Variants in NBDY observed in about 807,000 individuals in gnomAD.
The protein encoded by NBDY is P-body dissociating protein.
chrX:56,799,713 C>T (rs971530931), intron 2 of NBDY, among the ~76,000 whole-genome samples: 4 of 113,057 alleles, frequency 3.5e-5, no homozygotes, highest in South Asian at 3.6e-4. Flanking sequence ...CTCCACTTTG[C>T]CTTTCTCTCC....
At chrX:56,781,710 C>T (rs1158131816) in intron 2 of NBDY, among the ~76,000 whole-genome samples, 5 of 111,754 alleles carry the variant, frequency 4.5e-5, no homozygotes, top group Non-Finnish European at 7.5e-5. Context: ...CAGTTATGCA[C>T]GGGGACATGG....
intron 2 of NBDY, among the ~76,000 whole-genome samples, chrX:56,799,968 T>G: frequency 1.8e-5 from 2 of 108,992 alleles, no homozygotes; most frequent in Middle Eastern, 9.4e-3. Flanking sequence ...GCTGTGGATT[T>G]GTAGCACCGG....
intron 2 of NBDY, among the ~76,000 whole-genome samples, chrX:56,740,667 T>A (rs1159370782): frequency 9.0e-6 from 1 of 111,598 alleles, no homozygotes; most frequent in Non-Finnish European, 1.9e-5. Context: ...TATTTTACAA[T>A]TTTAGGAACT....
chrX:56,812,039 G>A (rs932463163), intron 2 of NBDY, among the ~76,000 whole-genome samples: 7 of 111,083 alleles, frequency 6.3e-5, no homozygotes, highest in Admixed American at 2.8e-4. Context: ...TTGGTGAGGT[G>A]ACACCCCTAC....
In NBDY at chrX:56,818,086, G is replaced by GA. The variant is rs1297599297; in HGVS notation, c.*940dup. ...ATGTTTCAGGAATTACAAGGTTATA[G>GA]AAAAAAATTTATAGACTATAATAAT... On this transcript the variant is annotated 3_prime_UTR_variant, in exon 3 of 3. Coordinates refer to ENST00000374922, the MANE Select transcript of NBDY (RefSeq NM_001348129.2). 1 of 110,873 alleles carries GA rather than the reference G, an allele frequency of 9.0e-6. No homozygotes were observed. The highest frequency in any genetic ancestry group is 3.3e-5 in the African/African-American group (1 of 30,635). 9.1% of individuals were successfully genotyped at this position (110,873 alleles called of 1,213,427 possible).
At chrX:56,803,796 G>A (rs1237321728) in intron 2 of NBDY, among the ~76,000 whole-genome samples, 1 of 111,669 alleles carries the variant, frequency 9.0e-6, no homozygotes, top group Non-Finnish European at 1.9e-5. Flanking sequence ...TTCTCCTTTT[G>A]CTTCCAACAA....
chrX:56,811,550 C>T (rs1049205280), intron 2 of NBDY, among the ~76,000 whole-genome samples: 3 of 112,040 alleles, frequency 2.7e-5, no homozygotes, highest in African/African-American at 9.7e-5. Flanking sequence ...GCTTTGTTTA[C>T]ACTGTAAGGG....
chrX:56,810,859 GT>G (rs1025923859), intron 2 of NBDY, among the ~76,000 whole-genome samples: 2 of 111,601 alleles, frequency 1.8e-5, no homozygotes, highest in Non-Finnish European at 3.8e-5. Flanking sequence ...CAACCTTTTT[GT>G]GCTGGTTTCT....
At chrX:56,783,643 A>T (rs1045910440) in intron 2 of NBDY, among the ~76,000 whole-genome samples, 1 of 111,778 alleles carries the variant, frequency 8.9e-6, no homozygotes. Flanking sequence ...GGCAGAGTCC[A>T]CCCAGTCCCG....
chrX:56,786,049 C>T (rs1027910941), intron 2 of NBDY, among the ~76,000 whole-genome samples: 6 of 111,322 alleles, frequency 5.4e-5, no homozygotes, highest in African/African-American at 2.0e-4. Flanking sequence ...TTTCTGCCCT[C>T]TCTCCATATT....
intron 2 of NBDY, among the ~76,000 whole-genome samples, chrX:56,815,081 A>C (rs1040060764): frequency 4.5e-5 from 5 of 111,467 alleles, no homozygotes; most frequent in Admixed American, 9.5e-5. Flanking sequence ...GATTTTATAG[A>C]CTATATGACT....
intron 2 of NBDY, among the ~76,000 whole-genome samples, chrX:56,799,117 A>G (rs936649654): frequency 8.9e-6 from 1 of 112,096 alleles, no homozygotes; most frequent in Non-Finnish European, 1.9e-5. Flanking sequence ...TGTCTGGCCC[A>G]TGGTCTATGC....
chrX:56,749,778 A>G (rs1398179231), intron 2 of NBDY, among the ~76,000 whole-genome samples: 2 of 109,251 alleles, frequency 1.8e-5, no homozygotes, highest in African/African-American at 6.7e-5. Context: ...CAACCCCCCA[A>G]GTAGCTGGGA....
At chrX:56,800,724 A>G (rs1350537705) in intron 2 of NBDY, among the ~76,000 whole-genome samples, 1 of 109,816 alleles carries the variant, frequency 9.1e-6, no homozygotes, top group African/African-American at 3.3e-5. Context: ...CTTTTCATCA[A>G]TTTCTGGTTT....
In NBDY at chrX:56,805,565, G is replaced by A. The variant is rs745420238; in HGVS notation, c.*167-11755G>A. On this transcript the variant is annotated intron_variant, in intron 2 of 2. Coordinates refer to ENST00000374922, the MANE Select transcript of NBDY (RefSeq NM_001348129.2). Reference sequence around the variant, plus strand: ...TGTGGCTTTCCAATATTTGCTGGCAGAGGATGCAGGATGGGGTGGTGGTGG... The same window carrying A: ...TGTGGCTTTCCAATATTTGCTGGCAAAGGATGCAGGATGGGGTGGTGGTGG... Among the ~76,000 whole-genome samples the A allele has an allele frequency of 2.7e-4, 30 of 112,100 alleles. No homozygotes were observed. The Middle Eastern group carries it at 0.018, about 69-fold the overall frequency.
intron 2 of NBDY, among the ~76,000 whole-genome samples, chrX:56,760,608 C>T (rs188216264): frequency 1.8e-5 from 2 of 111,935 alleles, no homozygotes; most frequent in Middle Eastern, 4.6e-3. Flanking sequence ...CGCTTGAACC[C>T]GGGAGACGGA....
intron 2 of NBDY, among the ~76,000 whole-genome samples, chrX:56,760,483 C>G (rs2069632511): frequency 8.9e-6 from 1 of 112,204 alleles, no homozygotes; most frequent in Non-Finnish European, 1.9e-5. Context: ...GTCAGGAGCT[C>G]GAGACCAGCT....
At chrX:56,764,702 C>CAAAAAAAAAAAAAAAAAAAAAAA in intron 2 of NBDY, among the ~76,000 whole-genome samples, 1 of 60,800 alleles carries the variant, frequency 1.6e-5, no homozygotes, top group Non-Finnish European at 3.1e-5. Context: ...AAACAAACAC[C>CAAAAAAAAAAAAAAAAAAAAAAA]AAAAAAAAAA....
chrX:56,754,034 T>C (rs1378184724), intron 2 of NBDY, among the ~76,000 whole-genome samples: 1 of 111,047 alleles, frequency 9.0e-6, no homozygotes, highest in East Asian at 2.8e-4. Context: ...GAACCATCTT[T>C]TAAGATGGAA....
Sources: gnomAD v4.1 joint callset for allele counts (sites outside exome capture counted in the v4.1 genomes callset) on GRCh38, gnomAD v4.1.1 for gene constraint, MANE v1.5 for transcripts, NCBI Gene and HGNC (gene_info 2026-07-23, HGNC 2026-07-21) for gene names.